ZFYVE27: variants seen among roughly 807,000 people sequenced by gnomAD.
ZFYVE27 encodes the protein zinc finger FYVE-type containing 27.
Under a neutral mutation model 52.8 loss-of-function variants are expected in ZFYVE27, and 36 were observed. The ratio of observed to expected loss-of-function variants is 0.68; its 90% CI spans 0.52 to 0.90. The LOEUF is 0.90. Ranked by LOEUF, ZFYVE27 falls within the 40% of genes least tolerant of loss-of-function variation. ZFYVE27 has a pLI of 0.00. For synonymous variants in ZFYVE27, 223 were observed against 215.6 expected (o/e 1.03, Z -0.30); for missense variants, 450 against 527.2 (o/e 0.85, Z 1.43).
At chr10:97,744,381 C>G (rs1029369174) in intron 3 of ZFYVE27, among the ~76,000 whole-genome samples, 9 of 152,234 alleles carry the variant, frequency 5.9e-5, no homozygotes, top group African/African-American at 9.6e-5. Flanking sequence ...CAGTCACACT[C>G]CAGCGTGAGC....
chr10:97,745,636 A>G (rs1421621997), intron 4 of ZFYVE27, among the ~76,000 whole-genome samples: 1 of 152,222 alleles, frequency 6.6e-6, no homozygotes, highest in African/African-American at 2.4e-5. Flanking sequence ...CATCTGTTAA[A>G]TGGAATGATA....
At chr10:97,744,458 G>T (rs150654079) in intron 3 of ZFYVE27, among the ~76,000 whole-genome samples, 3 of 152,242 alleles carry the variant, frequency 2.0e-5, no homozygotes. Context: ...AGTGACCAAA[G>T]GGACAAAGTC....
At chr10:97,744,385 C>T (rs751356958) in intron 3 of ZFYVE27, among the ~76,000 whole-genome samples, 3 of 152,222 alleles carry the variant, frequency 2.0e-5, no homozygotes, top group African/African-American at 4.8e-5. Flanking sequence ...CACACTCCAG[C>T]GTGAGCCTCC....
intron 2 of ZFYVE27, among the ~76,000 whole-genome samples, chr10:97,741,697 G>T (rs2043683182): frequency 6.6e-6 from 1 of 152,098 alleles, no homozygotes; most frequent in Non-Finnish European, 1.5e-5. Flanking sequence ...AACCACCATG[G>T]CACGTGTATA....
chr10:97,757,873 T>C, intron 12 of ZFYVE27, 150 bp downstream of exon 12: 1 of 666,532 alleles, frequency 1.5e-6, no homozygotes, highest in East Asian at 2.7e-5. Flanking sequence ...TTTAGCAAAA[T>C]CCTGAAACAT....
Position 97,753,064 on chromosome 10 carries a change from A to C in ZFYVE27, c.924A>C (p.Pro308=), listed in dbSNP as rs147182909. 87 of 1,612,100 alleles carry C rather than the reference A, an allele frequency of 5.4e-5. No homozygotes were observed. Among genetic ancestry groups the C allele is most frequent in the Non-Finnish European group, 7.0e-5 (82 of 1,179,296 alleles). The change falls in exon 10 of 13, where the codon CCA becomes CCC. Residue 308 remains proline (P), a synonymous_variant. Transcript: ENST00000684270. Reference sequence around the variant, plus strand: ...AGGATGATGAGGGCGCCCCGTGCCCAGCAGAGGATGAGCTGGCCCTGCAGG... The same window carrying C: ...AGGATGATGAGGGCGCCCCGTGCCCCGCAGAGGATGAGCTGGCCCTGCAGG... ...VLEDDEGAPC[P]AEDELALQDN...
At position 97,753,119 on chromosome 10, in the gene ZFYVE27, C is replaced by G. The variant is rs1442305184; in HGVS notation, c.979C>G (p.Leu327Val). 1 of 1,612,122 alleles carries G rather than the reference C, an allele frequency of 6.2e-7. No homozygotes were observed. ...DNGFLSKNEV[L>V]RSKVSRLTER... ...CGGGTTCCTGAGCAAGAATGAGGTGCTGCGCAGCAAGGTGTCTCGGCTCAC... is the reference window on the plus strand; with the variant it reads ...CGGGTTCCTGAGCAAGAATGAGGTGGTGCGCAGCAAGGTGTCTCGGCTCAC... Residue 327 changes from leucine (L) to valine (V), a missense_variant, in exon 10 of 13, where the codon CTG (leucine) becomes GTG (valine). Transcript: ENST00000684270.
At chr10:97,741,742 T>C (rs181630688) in intron 2 of ZFYVE27, among the ~76,000 whole-genome samples, 138 of 152,232 alleles carry the variant, frequency 9.1e-4, no homozygotes, top group African/African-American at 3.1e-3. Context: ...TGCACATGTA[T>C]CCCAGAACTT....
Position 97,738,580 on chromosome 10 carries a change from T to C in ZFYVE27, c.103T>C (p.Phe35Leu). Reference protein sequence around the residue: ...SPPFPTKSPAFDLFNLVLSYK... With the variant: ...SPPFPTKSPALDLFNLVLSYK... ...ACCTTTTCCTACCAAGTCCCCAGCGTTTGACCTTTTCAACTTGGTTCTCTC... is the reference window on the plus strand; with the variant it reads ...ACCTTTTCCTACCAAGTCCCCAGCGCTTGACCTTTTCAACTTGGTTCTCTC... Residue 35 changes from phenylalanine to leucine, a missense_variant, in exon 2 of 13, where the codon TTT (phenylalanine) becomes CTT (leucine). Phe to Leu is a conservative substitution (Grantham distance 22). Transcript: ENST00000684270. 1.9e-6 allele frequency: 3 copies of C among 1,614,192 alleles called. No homozygotes were observed. Among genetic ancestry groups the C allele is most frequent in the Non-Finnish European group, 2.5e-6 (3 of 1,180,044 alleles).
At chr10:97,739,885 G>GTTT (rs34955180) in intron 2 of ZFYVE27, among the ~76,000 whole-genome samples, 24 of 137,248 alleles carry the variant, frequency 1.7e-4, no homozygotes, top group African/African-American at 2.2e-4. Flanking sequence ...TTAGAAAAGT[G>GTTT]TTTTTTTTTT....
At chr10:97,739,199 C>T (rs932365216) in intron 2 of ZFYVE27, among the ~76,000 whole-genome samples, 57 of 149,152 alleles carry the variant, frequency 3.8e-4, no homozygotes, top group African/African-American at 1.4e-3. Flanking sequence ...TCAGCTCAAG[C>T]GATCCTCCTA....
At chr10:97,759,146 G>T in intron 12 of ZFYVE27, 90 bp from the exon 13 acceptor site, 1 of 1,438,018 alleles carries the variant, frequency 7.0e-7, no homozygotes, top group South Asian at 1.2e-5. Flanking sequence ...GGGGGTCTGT[G>T]TGGGGCATTT....
intron 8 of ZFYVE27, 63 bp downstream of exon 8, chr10:97,751,525 GT>G (rs944464041): frequency 6.4e-7 from 1 of 1,552,216 alleles, no homozygotes; most frequent in Non-Finnish European, 8.9e-7. Flanking sequence ...TCCTGGAGCT[GT>G]TTTTTGTTTT....
rs1307909934 is a variant in ZFYVE27 at position 97,759,235 on chromosome 10, G to T, written c.1172-1G>T. 5 of 1,614,174 alleles carry T rather than the reference G, an allele frequency of 3.1e-6. No individual in the cohort carries two copies. The highest frequency in any genetic ancestry group is 2.5e-6 in the Non-Finnish European group (3 of 1,180,042). Reference sequence around the variant, plus strand: ...CTCACCAAGTTCTTCCTCCTTTTCAGCCCCTGAAGCCCAGAGGGAGACTGT... The same window carrying T: ...CTCACCAAGTTCTTCCTCCTTTTCATCCCCTGAAGCCCAGAGGGAGACTGT... On this transcript the variant is annotated splice_acceptor_variant, in intron 12 of 12. Transcript: ENST00000684270. LOFTEE classifies it high-confidence loss of function.
intron 3 of ZFYVE27, among the ~76,000 whole-genome samples, chr10:97,743,623 T>C (rs993495557): frequency 2.0e-5 from 3 of 152,230 alleles, no homozygotes; most frequent in Non-Finnish European, 2.9e-5. Flanking sequence ...GGACATGGCA[T>C]GAGTAAAGGT....
In ZFYVE27 at chr10:97,737,206, C is replaced by G. The variant is rs2042310270; in HGVS notation, c.-117C>G. On this transcript the variant is annotated 5_prime_UTR_variant, in exon 1 of 13. Transcript: ENST00000684270. Reference sequence around the variant, plus strand: ...TCGGACCTGCGACTTCCGAACAACCCTGGCAGGAGGAGCGGCGTTCAGCCG... The same window carrying G: ...TCGGACCTGCGACTTCCGAACAACCGTGGCAGGAGGAGCGGCGTTCAGCCG... 6.6e-6 allele frequency: 1 copy of G among 152,380 alleles called. No homozygotes were observed. Among genetic ancestry groups the G allele is most frequent in the Non-Finnish European group, 1.5e-5 (1 of 68,132 alleles). 9.4% of individuals were successfully genotyped at this position (152,380 alleles called of 1,614,324 possible). A position where few individuals can be genotyped will look rare whatever the true frequency, so the allele number is the denominator to read the frequency against.
Position 97,743,080 on chromosome 10 carries a change from T to C in ZFYVE27, c.198-14T>C, listed in dbSNP as rs773056415. The C allele has an allele frequency of 7.4e-6, 12 of 1,614,124 alleles. No individual in the cohort carries two copies. The highest frequency in any genetic ancestry group is 5.9e-6 in the Non-Finnish European group (7 of 1,179,992). On this transcript the variant is annotated splice_polypyrimidine_tract_variant and intron_variant, in intron 2 of 12. Transcript: ENST00000684270. ...AGTGACTCTCTGTAGTGATCAGGAC[T>C]CTCTGTATTGTAGGTGGCAGATGCC...
At chr10:97,738,897 G>A (rs2042824786) in intron 2 of ZFYVE27, 1 of 575,414 alleles carries the variant, frequency 1.7e-6, no homozygotes, top group Non-Finnish European at 3.1e-6. Flanking sequence ...CTTTCAGCAA[G>A]GTTCTTCTTT....
intron 5 of ZFYVE27, among the ~76,000 whole-genome samples, chr10:97,748,730 A>AAATCAAT (rs2046145678): frequency 1.3e-5 from 2 of 152,302 alleles, no homozygotes; most frequent in East Asian, 3.9e-4. Flanking sequence ...ATTATATTAA[A>AAATCAAT]GATGATTTTC....
Sources: gnomAD v4.1 joint callset for allele counts (sites outside exome capture counted in the v4.1 genomes callset) on GRCh38, gnomAD v4.1.1 for gene constraint, MANE v1.5 for transcripts, NCBI Gene and HGNC (gene_info 2026-07-23, HGNC 2026-07-21) for gene names.